ELF1: variants seen among roughly 807,000 people sequenced by gnomAD.
ELF1 encodes E74 like ETS transcription factor 1.
A neutral mutation model predicts 59.9 loss-of-function variants in ELF1; 24 were observed. That is an observed-to-expected ratio of 0.40 (90% CI 0.29 to 0.56). The LOEUF is 0.56. Among genes scored for constraint, ELF1 ranks in the 20% least tolerant of loss-of-function variants. ELF1 has a pLI of 0.44. For missense variants in ELF1, 627 were observed against 742.2 expected, an observed-to-expected ratio of 0.84 and a Z score of 1.80; for synonymous variants, 248 against 266.2, an observed-to-expected ratio of 0.93 and a Z score of 0.67.
At chr13:40,986,260 G>A (rs1015850672) in intron 1 of ELF1, among the ~76,000 whole-genome samples, 5 of 152,168 alleles carry the variant, frequency 3.3e-5, no homozygotes, top group Admixed American at 6.5e-5. Context: ...TTACTTGCTT[G>A]GTGTCTCAGT....
chr13:40,933,010 TGAAA>T lies in ELF1; in HGVS notation c.*411_*414del, dbSNP rs1869506436. The T allele has an allele frequency of 6.0e-6, 1 of 166,564 alleles. No homozygotes were observed. 10.3% of individuals were successfully genotyped at this position (166,564 alleles called of 1,614,324 possible). A position where few individuals can be genotyped will look rare whatever the true frequency, so the allele number is the denominator to read the frequency against. ...AAGCATAAAATAGGTTTTTTGCATT[TGAAA>T]GAGTCAAGACTTAACTTACACAAGT... On this transcript the variant is annotated 3_prime_UTR_variant, in exon 9 of 9. Transcript: ENST00000239882.
At chr13:40,969,400 A>G (rs945673645) in intron 2 of ELF1, among the ~76,000 whole-genome samples, 1 of 152,200 alleles carries the variant, frequency 6.6e-6, no homozygotes, top group Non-Finnish European at 1.5e-5. Context: ...GGTAACATGC[A>G]TTCCTTCAAC....
At chr13:41,029,227 G>C (rs1876069101) in intron 1 of ELF1, among the ~76,000 whole-genome samples, 1 of 152,222 alleles carries the variant, frequency 6.6e-6, no homozygotes, top group African/African-American at 2.4e-5. Flanking sequence ...TATGGTTTAA[G>C]TAGGTGCACA....
At chr13:41,025,915 T>TC (rs1039640310) in intron 1 of ELF1, among the ~76,000 whole-genome samples, 4 of 152,124 alleles carry the variant, frequency 2.6e-5, no homozygotes, top group African/African-American at 9.7e-5. Context: ...AATGCCTTTT[T>TC]CCCCCATACC....
intron 1 of ELF1, among the ~76,000 whole-genome samples, chr13:41,054,194 A>T (rs1877206093): frequency 6.6e-6 from 1 of 152,214 alleles, no homozygotes; most frequent in Non-Finnish European, 1.5e-5. Flanking sequence ...CTCTTGAATC[A>T]TTGCAGCTTT....
chr13:40,940,339 T>C (rs544896813), intron 8 of ELF1, among the ~76,000 whole-genome samples: 1 of 150,782 alleles, frequency 6.6e-6, no homozygotes, highest in South Asian at 2.1e-4. Flanking sequence ...AGTCAATTTG[T>C]TGTTTAGCAT....
chr13:40,950,058 G>A, intron 4 of ELF1, 85 bp from the exon 5 acceptor site: 1 of 1,181,968 alleles, frequency 8.5e-7, no homozygotes, highest in South Asian at 1.7e-5. Context: ...TTTCTATTAT[G>A]ACTAGAAGAT....
intron 2 of ELF1, among the ~76,000 whole-genome samples, chr13:40,962,679 C>G (rs1233394414): frequency 1.4e-5 from 1 of 69,206 alleles, no homozygotes; most frequent in African/African-American, 5.3e-5. Flanking sequence ...AAGACTGTCT[C>G]AAAAAAAAAA....
intron 8 of ELF1, among the ~76,000 whole-genome samples, chr13:40,936,726 A>C (rs1267191982): frequency 7.2e-6 from 1 of 138,960 alleles, no homozygotes; most frequent in African/African-American, 2.6e-5. Context: ...GCGCCACTGC[A>C]CTCCAGCCTG....
chr13:41,007,977 A>G (rs1439750479), intron 1 of ELF1, among the ~76,000 whole-genome samples: 1 of 152,172 alleles, frequency 6.6e-6, no homozygotes, highest in Admixed American at 6.6e-5. Context: ...TGCCCTGACC[A>G]AGGCTGCACC....
At chr13:41,041,923 G>A (rs1876627009) in intron 1 of ELF1, among the ~76,000 whole-genome samples, 1 of 152,192 alleles carries the variant, frequency 6.6e-6, no homozygotes, top group Non-Finnish European at 1.5e-5. Flanking sequence ...TTTAGACTAA[G>A]TCAGTGGGAA....
At chr13:40,979,072 TGTCCAC>T (rs1273902107) in intron 2 of ELF1, among the ~76,000 whole-genome samples, 1 of 151,962 alleles carries the variant, frequency 6.6e-6, no homozygotes, top group African/African-American at 2.4e-5. Context: ...TCCCTCTTTA[TGTCCAC>T]GTAACACAGA....
In ELF1 at chr13:40,974,134, T is replaced by C. The variant is rs149797615; in HGVS notation, c.72+7849A>G. Among the ~76,000 whole-genome samples, 707 of 152,280 alleles carry C rather than the reference T, an allele frequency of 4.6e-3. 9 individuals carry two copies. Among genetic ancestry groups the C allele is most frequent in the South Asian group, 3.1e-3 (15 of 4,826 alleles). On this transcript the variant is annotated intron_variant, in intron 2 of 8. Coordinates refer to ENST00000239882, the MANE Select transcript of ELF1 (RefSeq NM_172373.4). ...ACAATTCTGTATAAACTTAAAACCA[T>C]TGATTTGTACACTTTAAGTAGATGG...
chr13:41,009,285 A>T (rs754266405), intron 1 of ELF1, among the ~76,000 whole-genome samples: 9 of 150,112 alleles, frequency 6.0e-5, no homozygotes, highest in Non-Finnish European at 1.0e-4. Context: ...ATAAAGCTTG[A>T]AAAAAAAAAG....
chr13:41,059,094 C>T (rs1010093263), intron 1 of ELF1, among the ~76,000 whole-genome samples: 9 of 152,224 alleles, frequency 5.9e-5, no homozygotes, highest in Admixed American at 5.9e-4. Flanking sequence ...TTAGTAACTG[C>T]TTCTTAATAA....
At chr13:40,996,977 C>T (rs1453376962) in intron 1 of ELF1, among the ~76,000 whole-genome samples, 9 of 152,114 alleles carry the variant, frequency 5.9e-5, no homozygotes, top group Non-Finnish European at 1.5e-5. Context: ...TCTGTCTGTA[C>T]TCACTGCCAC....
At chr13:41,027,549 A>G (rs1237121910) in intron 1 of ELF1, among the ~76,000 whole-genome samples, 1 of 152,206 alleles carries the variant, frequency 6.6e-6, no homozygotes, top group East Asian at 1.9e-4. Context: ...GTATGGCACC[A>G]TTCCCTGGGG....
chr13:40,959,139 T>A lies in ELF1; in HGVS notation c.73-123A>T, dbSNP rs933998203. 8.4e-6 allele frequency: 11 copies of A among 1,306,566 alleles called. No homozygotes were observed. In the East Asian group the frequency reaches 2.8e-4, roughly 34 times the overall value. The allele number at this position is 1,306,566 out of a possible 1,614,324, so 80.9% of individuals were successfully genotyped here. A position where few individuals can be genotyped will look rare whatever the true frequency, so the allele number is the denominator to read the frequency against. On this transcript the variant is annotated intron_variant, in intron 2 of 8. Coordinates refer to ENST00000239882, the MANE Select transcript of ELF1 (RefSeq NM_172373.4). ...TTAATTTTTAGATCATCAGGCTGTA[T>A]CTCTATAATCTTTCTAGGCATTAGG...
intron 2 of ELF1, among the ~76,000 whole-genome samples, chr13:40,969,138 T>C: frequency 6.6e-6 from 1 of 152,240 alleles, no homozygotes; most frequent in East Asian, 1.9e-4. Flanking sequence ...ATAGTTTTAC[T>C]GACTACAGGT....
Sources: allele counts gnomAD v4.1 joint callset (sites outside exome capture counted in the v4.1 genomes callset), GRCh38; gene constraint gnomAD v4.1.1; transcripts MANE v1.5; gene names NCBI Gene and HGNC (gene_info 2026-07-23, HGNC 2026-07-21).